KCNMB2: variants seen among roughly 807,000 people sequenced by gnomAD.
The protein encoded by KCNMB2 is potassium calcium-activated channel subfamily M regulatory beta subunit 2, also known as calcium-activated potassium channel subunit beta-2.
A neutral mutation model predicts 24.5 loss-of-function variants in KCNMB2; 9 were observed. The ratio of observed to expected loss-of-function variants is 0.37; its 90% CI spans 0.22 to 0.64. The LOEUF (loss-of-function observed/expected upper bound fraction) is 0.64, where lower values mean the gene tolerates loss of function less well. Ranked by LOEUF, KCNMB2 falls within the 30% of genes least tolerant of loss-of-function variation. The pLI is 0.63. For missense variants in KCNMB2, 226 were observed against 284.3 expected (o/e 0.79, Z 1.47); for synonymous variants, 109 against 104.4 (o/e 1.04, Z -0.27).
chr3:178,720,063 T>C (rs911322652), intron 1 of KCNMB2, among the ~76,000 whole-genome samples: 2 of 152,098 alleles, frequency 1.3e-5, no homozygotes, highest in African/African-American at 2.4e-5. Flanking sequence ...ATGTGCCATG[T>C]TGGTGTGCTG....
At chr3:178,542,878 G>A (rs980413841) in intron 1 of KCNMB2, among the ~76,000 whole-genome samples, 7 of 152,130 alleles carry the variant, frequency 4.6e-5, no homozygotes, top group African/African-American at 1.4e-4. Context: ...TCTGCGTCTT[G>A]CCTGAGTCTC....
intron 1 of KCNMB2, among the ~76,000 whole-genome samples, chr3:178,561,589 T>A (rs1382040): frequency 0.35 from 53,464 of 152,002 alleles, 10,624 homozygotes; most frequent in East Asian, 0.6. Flanking sequence ...TAAAATCCCA[T>A]CATTCTGTAA....
intron 1 of KCNMB2, among the ~76,000 whole-genome samples, chr3:178,611,010 G>A (rs917591156): frequency 6.6e-6 from 1 of 152,168 alleles, no homozygotes; most frequent in Non-Finnish European, 1.5e-5. Context: ...AAATTTGGAA[G>A]TATTCGCTCC....
chr3:178,704,850 T>A (rs1722224785), intron 1 of KCNMB2, among the ~76,000 whole-genome samples: 1 of 152,128 alleles, frequency 6.6e-6, no homozygotes, highest in South Asian at 2.1e-4. Flanking sequence ...GAATAAATGG[T>A]ATATTTGAAT....
At chr3:178,656,640 G>A (rs1478920533) in intron 1 of KCNMB2, among the ~76,000 whole-genome samples, 1 of 152,120 alleles carries the variant, frequency 6.6e-6, no homozygotes, top group Non-Finnish European at 1.5e-5. Context: ...GGGTGTGGCG[G>A]TGGGTGCCTG....
At chr3:178,764,322 T>C (rs1258419406) in intron 1 of KCNMB2, among the ~76,000 whole-genome samples, 2 of 152,192 alleles carry the variant, frequency 1.3e-5, no homozygotes, top group Non-Finnish European at 2.9e-5. Flanking sequence ...CATGCACCTC[T>C]TTTTTGGTCA....
At chr3:178,810,038 C>T (rs1357338705) in intron 2 of KCNMB2, among the ~76,000 whole-genome samples, 5 of 151,652 alleles carry the variant, frequency 3.3e-5, no homozygotes, top group Non-Finnish European at 7.4e-5. Flanking sequence ...ACCACATCTT[C>T]GTCTTTGCTG....
At chr3:178,815,255 C>T (rs977622198) in intron 2 of KCNMB2, among the ~76,000 whole-genome samples, 12 of 152,002 alleles carry the variant, frequency 7.9e-5, no homozygotes, top group African/African-American at 2.2e-4. Context: ...CCTCCCACCT[C>T]GGCCCCCCAT....
intron 1 of KCNMB2, among the ~76,000 whole-genome samples, chr3:178,742,873 A>T (rs1723541442): frequency 6.6e-6 from 1 of 152,150 alleles, no homozygotes; most frequent in South Asian, 2.1e-4. Flanking sequence ...ATAAATATGC[A>T]ATCCAGTGAC....
intron 1 of KCNMB2, among the ~76,000 whole-genome samples, chr3:178,612,801 T>A (rs1326527097): frequency 6.6e-6 from 1 of 152,156 alleles, no homozygotes; most frequent in Non-Finnish European, 1.5e-5. Context: ...GGTTGTTTTA[T>A]GATCTCCTTT....
intron 4 of KCNMB2, among the ~76,000 whole-genome samples, chr3:178,829,733 T>A (rs773145106): frequency 6.6e-6 from 1 of 152,182 alleles, no homozygotes; most frequent in African/African-American, 2.4e-5. Flanking sequence ...TTTCCTCATT[T>A]TGACAATTTA....
intron 1 of KCNMB2, among the ~76,000 whole-genome samples, chr3:178,793,007 G>A (rs1713386190): frequency 6.6e-6 from 1 of 152,140 alleles, no homozygotes; most frequent in East Asian, 1.9e-4. Context: ...CTTTCTCTCA[G>A]GCCACACAGC....
chr3:178,688,543 C>T (rs774112073), intron 1 of KCNMB2, among the ~76,000 whole-genome samples: 10 of 152,106 alleles, frequency 6.6e-5, no homozygotes, highest in Non-Finnish European at 1.2e-4. Context: ...CATAACAATG[C>T]TTTTTCACTT....
At chr3:178,709,024 T>C (rs1037516484) in intron 1 of KCNMB2, among the ~76,000 whole-genome samples, 1 of 152,146 alleles carries the variant, frequency 6.6e-6, no homozygotes, top group Non-Finnish European at 1.5e-5. Context: ...ACTCCTCTTA[T>C]AGGTTAAAGG....
chr3:178,639,930 T>A lies in KCNMB2; in HGVS notation c.-68+103219T>A, dbSNP rs116152433. On this transcript the variant is annotated intron_variant, in intron 1 of 4. Coordinates refer to ENST00000452583, the MANE Select transcript of KCNMB2 (RefSeq NM_181361.3). ...TATGGAGTGAGGGATGGAATCAGTG[T>A]GAGCATGTATTAACCTCATGGCTAA... Among the ~76,000 whole-genome samples the A allele has an allele frequency of 5.9e-3, 897 of 152,314 alleles. 9 individuals carry two copies. The highest frequency in any genetic ancestry group is 0.021 in the African/African-American group (853 of 41,568).
chr3:178,672,563 G>A (rs926174799), intron 1 of KCNMB2, among the ~76,000 whole-genome samples: 9 of 152,176 alleles, frequency 5.9e-5, no homozygotes, highest in African/African-American at 1.7e-4. Context: ...TAGCCTAGAG[G>A]AGATAAAGTT....
At chr3:178,565,331 T>G (rs1716480031) in intron 1 of KCNMB2, among the ~76,000 whole-genome samples, 1 of 152,194 alleles carries the variant, frequency 6.6e-6, no homozygotes, top group African/African-American at 2.4e-5. Context: ...CAGTCGAGAC[T>G]CATCATAGTT....
At chr3:178,761,988 T>C (rs1479532693) in intron 1 of KCNMB2, among the ~76,000 whole-genome samples, 1 of 151,862 alleles carries the variant, frequency 6.6e-6, no homozygotes, top group Non-Finnish European at 1.5e-5. Flanking sequence ...TGGCTAACAC[T>C]GTGAAACCCC....
At chr3:178,652,665 T>TTA (rs1249096162) in intron 1 of KCNMB2, among the ~76,000 whole-genome samples, 1 of 34,440 alleles carries the variant, frequency 2.9e-5, no homozygotes, top group African/African-American at 2.5e-4. Context: ...CTCTATATAC[T>TTA]TTTTTTTTTT....
Sources: gnomAD v4.1 joint callset for allele counts (sites outside exome capture counted in the v4.1 genomes callset) on GRCh38, gnomAD v4.1.1 for gene constraint, MANE v1.5 for transcripts, NCBI Gene and HGNC (gene_info 2026-07-23, HGNC 2026-07-21) for gene names.